Variants in HDLBP observed in about 807,000 individuals in gnomAD.
The protein encoded by HDLBP is high density lipoprotein binding protein.
In HDLBP, 30 loss-of-function variants were observed where a neutral mutation model predicts 137.3. The ratio of observed to expected loss-of-function variants is 0.22; its 90% confidence interval spans 0.16 to 0.30. The LOEUF is 0.30. Among genes scored for constraint, HDLBP ranks in the 10% least tolerant of loss-of-function variants. The pLI is 1.00. For missense variants in HDLBP, 1,119 were observed against 1,667.3 expected (o/e 0.67, Z 5.73); for synonymous variants, 606 against 596.0 (o/e 1.02, Z -0.24).
intron 21 of HDLBP, among the ~76,000 whole-genome samples, chr2:241,235,931 A>G (rs889051699): frequency 6.6e-6 from 1 of 152,078 alleles, no homozygotes; most frequent in Non-Finnish European, 1.5e-5. Flanking sequence ...ATGAGGTGCC[A>G]CAAGGGACTC....
At chr2:241,236,358 G>A (rs2070438348) in intron 21 of HDLBP, 1 of 523,972 alleles carries the variant, frequency 1.9e-6, no homozygotes, top group Admixed American at 3.4e-5. Context: ...CCCACCGTGG[G>A]CCTGAGAGGC....
In HDLBP at chr2:241,233,932, A is replaced by G. The variant is rs1574843200; in HGVS notation, c.3176T>C (p.Val1059Ala). 6.2e-7 allele frequency: 1 copy of G among 1,614,196 alleles called. No individual in the cohort carries two copies. The highest frequency in any genetic ancestry group is 2.2e-5 in the East Asian group (1 of 44,894). Residue 1059 changes from valine to alanine, a missense_variant, in exon 24 of 28, where the codon GTA (valine) becomes GCA (alanine). Around this residue, in one of 4 missense-constraint regions of HDLBP, gnomAD observed 618 missense variants for 816.7 expected, o/e 0.76. Coordinates refer to ENST00000310931, the MANE Select transcript of HDLBP (RefSeq NM_005336.6). The surrounding 1 kb of genome is among the most constrained non-coding windows in gnomAD (Gnocchi z 4.3). ...ALRSFKLSVT[V>A]DPKYHPKIIG... ...AATCTTGGGATGGTATTTGGGGTCT[A>G]CAGTGACACTCAGCTTAAAACTCCT... is the stretch of plus-strand genomic sequence containing the variant.
intron 1 of HDLBP, among the ~76,000 whole-genome samples, chr2:241,282,739 T>C (rs2074651997): frequency 6.6e-6 from 1 of 152,208 alleles, no homozygotes; most frequent in Non-Finnish European, 1.5e-5. Flanking sequence ...ACCACGCTCA[T>C]ACAAGGCAGA....
At chr2:241,247,775 G>A (rs2071793846) in intron 14 of HDLBP, among the ~76,000 whole-genome samples, 1 of 152,152 alleles carries the variant, frequency 6.6e-6, no homozygotes, top group Non-Finnish European at 1.5e-5. Context: ...CTCCCCACCT[G>A]AATTCCACAA....
At chr2:241,259,474 G>A (rs1013139526) in intron 5 of HDLBP, among the ~76,000 whole-genome samples, 1 of 152,086 alleles carries the variant, frequency 6.6e-6, no homozygotes, top group East Asian at 1.9e-4. Flanking sequence ...TCAGAAAAAA[G>A]GAATTACTTC....
chr2:241,233,925 G>A lies in HDLBP; in HGVS notation c.3183C>T (p.Pro1061=). 1.9e-6 allele frequency: 3 copies of A among 1,614,142 alleles called. No individual in the cohort carries two copies. The South Asian group carries it at 3.3e-5, about 18-fold the overall frequency. Residue 1061 remains proline, a synonymous_variant, in exon 24 of 28, where the codon CCC becomes CCT. Transcript: ENST00000310931. This position sits in a 1 kb window ranked among gnomAD's most constrained non-coding sequence, Gnocchi z 4.3. ...TCCCGATAATCTTGGGATGGTATTT[G>A]GGGTCTACAGTGACACTCAGCTTAA... The part of the protein sequence containing the change: ...RSFKLSVTVD[P]KYHPKIIGRK...
At position 241,248,254 on chromosome 2, in the gene HDLBP, T is replaced by C. The variant is rs1162100393; in HGVS notation, c.1607A>G (p.Lys536Arg). ...KGERIREIRD[K>R]FPEVIINFPD... ...TCTGGGAAACTTTACCTCTGGGAATTTGTCACGAATTTCACGGATCCGTTC... is the reference window on the plus strand; with the variant it reads ...TCTGGGAAACTTTACCTCTGGGAATCTGTCACGAATTTCACGGATCCGTTC... Residue 536 changes from lysine (K) to arginine (R), a missense_variant, in exon 13 of 28, where the codon AAA becomes AGA. Around this residue, in one of 4 missense-constraint regions of HDLBP, gnomAD observed 425 missense variants for 693.9 expected, o/e 0.61. Transcript: ENST00000310931. 1.2e-6 allele frequency: 2 copies of C among 1,613,374 alleles called. No individual in the cohort carries two copies. The highest frequency in any genetic ancestry group is 2.2e-5 in the South Asian group (2 of 91,066).
Position 241,239,825 on chromosome 2 carries a change from A to G in HDLBP, c.2392-5T>C. ...GGAGTCTTCCACCACATTATCCTGC[A>G]GTGTTAAGAAGAGATGGAAGATAAG... On this transcript the variant is annotated splice_polypyrimidine_tract_variant and splice_region_variant and intron_variant, in intron 18 of 27. Coordinates refer to ENST00000310931, the MANE Select transcript of HDLBP (RefSeq NM_005336.6). The surrounding 1 kb of genome is among the most constrained non-coding windows in gnomAD (Gnocchi z 4.6). 2 of 1,612,196 alleles carry G rather than the reference A, an allele frequency of 1.2e-6. No homozygotes were observed. Among genetic ancestry groups the G allele is most frequent in the Non-Finnish European group, 1.7e-6 (2 of 1,178,578 alleles).
Position 241,252,940 on chromosome 2 carries a change from C to G in HDLBP, c.1372+17G>C. On this transcript the variant is annotated intron_variant, in intron 11 of 27. Coordinates refer to ENST00000310931, the MANE Select transcript of HDLBP (RefSeq NM_005336.6). ...TCAGGGCACACTGGCCCCACCGCAACAGACAGCCTCACTCACTGTTGGCAC... is the reference window on the plus strand; with the variant it reads ...TCAGGGCACACTGGCCCCACCGCAAGAGACAGCCTCACTCACTGTTGGCAC... 6.3e-7 allele frequency: 1 copy of G among 1,587,116 alleles called. No homozygotes were observed. The highest frequency in any genetic ancestry group is 8.6e-7 in the Non-Finnish European group (1 of 1,156,758).
rs2069289079 is a variant in HDLBP at position 241,227,972 on chromosome 2, C to T, written c.*1629G>A. The T allele has an allele frequency of 6.6e-6, 1 of 152,274 alleles. No individual in the cohort carries two copies. Among genetic ancestry groups the T allele is most frequent in the Admixed American group, 6.5e-5 (1 of 15,284 alleles). The allele number at this position is 152,274 out of a possible 1,614,324, so 9.4% of individuals were successfully genotyped here. A position where few individuals can be genotyped will look rare whatever the true frequency, so the allele number is the denominator to read the frequency against. On this transcript the variant is annotated 3_prime_UTR_variant, in exon 28 of 28. Coordinates refer to ENST00000310931, the MANE Select transcript of HDLBP (RefSeq NM_005336.6). ...TCCTTCCAATCCCAATTTACCATTC[C>T]TGTAAACAGGCCCATTCAGGGCTGC...
chr2:241,237,399 ACAC>A (rs1484691905), intron 20 of HDLBP, among the ~76,000 whole-genome samples: 2 of 152,158 alleles, frequency 1.3e-5, no homozygotes, highest in Admixed American at 6.5e-5. Context: ...ACCAAAATAG[ACAC>A]CACAACAATA....
chr2:241,230,110 C>T lies in HDLBP; in HGVS notation c.3591+43G>A, dbSNP rs754744539. 59 of 1,588,964 alleles carry T rather than the reference C, an allele frequency of 3.7e-5. No individual in the cohort carries two copies. Among genetic ancestry groups the T allele is most frequent in the Middle Eastern group, 1.7e-4 (1 of 5,886 alleles). The stretch of plus-strand genomic sequence containing the variant: ...CCTGGCTGGGCCTCAGGCCGGTGGA[C>T]GTGCCAGGGCGCCTCAGGGCTCCAA... On this transcript the variant is annotated intron_variant, in intron 26 of 27. Transcript: ENST00000310931. The surrounding 1 kb of genome is among the most constrained non-coding windows in gnomAD (Gnocchi z 5.0).
In HDLBP at chr2:241,248,325, T is replaced by A. The variant is rs1283642803; in HGVS notation, c.1536A>T (p.Leu512=). 16 of 1,613,406 alleles carry A rather than the reference T, an allele frequency of 9.9e-6. No individual in the cohort carries two copies. The highest frequency in any genetic ancestry group is 1.3e-5 in the African/African-American group (1 of 74,926). The change falls in exon 13 of 28, where the codon CTA becomes CTT. Residue 512 remains leucine, a synonymous_variant. Coordinates refer to ENST00000310931, the MANE Select transcript of HDLBP (RefSeq NM_005336.6). Reference sequence around the variant, plus strand: ...TGCGATGAAATCTTTGCTCAATGATTAGATCCTTGGTACGCTCATTTTCCT... The same window carrying A: ...TGCGATGAAATCTTTGCTCAATGATAAGATCCTTGGTACGCTCATTTTCCT... ...SRMENERTKD[L]IIEQRFHRTI... is the part of the protein sequence containing the mutation.
rs1335321398 is a variant in HDLBP at position 241,268,486 on chromosome 2, G to A, written c.-47C>T. On this transcript the variant is annotated 5_prime_UTR_variant, in exon 2 of 28. Transcript: ENST00000310931. ...ACAGGGTCAAACTTACCAGCAAAAC[G>A]GTCAGTAGCCAGAAGGTCCGTCCTG... The A allele has an allele frequency of 5.1e-6, 5 of 985,800 alleles. No homozygotes were observed. The highest frequency in any genetic ancestry group is 5.2e-4 in the Middle Eastern group (1 of 1,940). The allele number at this position is 985,800 out of a possible 1,614,324, so 61.1% of individuals were successfully genotyped here.
In HDLBP at chr2:241,272,069, G is replaced by GT. The variant is rs1484759533; in HGVS notation, c.-102-3529dup. 1 of 489,342 alleles carries GT rather than the reference G, an allele frequency of 2.0e-6. No individual in the cohort carries two copies. The highest frequency in any genetic ancestry group is 1.5e-4 in the East Asian group (1 of 6,710). 30.3% of individuals were successfully genotyped at this position (489,342 alleles called of 1,614,324 possible). A position where few individuals can be genotyped will look rare whatever the true frequency, so the allele number is the denominator to read the frequency against. ...CCTCCCCGCCTTTCATCCAAATTCG[G>GT]TACTTTTCCGTAATGTATTTTTCAT... On this transcript the variant is annotated intron_variant, in intron 1 of 27. Coordinates refer to ENST00000310931, the MANE Select transcript of HDLBP (RefSeq NM_005336.6). This position sits in a 1 kb window ranked among gnomAD's most constrained non-coding sequence, Gnocchi z 5.6.
At chr2:241,264,404 A>C in intron 4 of HDLBP, 44 bp downstream of exon 4, 1 of 1,369,640 alleles carries the variant, frequency 7.3e-7, no homozygotes, top group Non-Finnish European at 1.0e-6. Flanking sequence ...TTACATAGAC[A>C]TGTTACATGA....
chr2:241,256,438 G>C (rs930693232), intron 6 of HDLBP, 39 bp from the exon 7 acceptor site: 5 of 1,553,604 alleles, frequency 3.2e-6, no homozygotes, highest in African/African-American at 2.7e-5. Context: ...ACAGGCCTTT[G>C]AAAACAAACT....
intron 9 of HDLBP, 129 bp from the exon 10 acceptor site, chr2:241,253,626 G>T: frequency 1.5e-6 from 1 of 671,188 alleles, no homozygotes; most frequent in Non-Finnish European, 2.7e-6. Flanking sequence ...GAGGGAGGGA[G>T]GGACATATCC....
At position 241,255,456 on chromosome 2, in the gene HDLBP, G is replaced by T. The variant is rs145626561; in HGVS notation, c.998C>A (p.Pro333His). ...TACAGTCTCAGAGATGCTGTCTGAG[G>T]GTGGGATCTCAACGGAAACTCCAGT... ...ERTGVSVEIP[P>H]SDSISETVIL... Residue 333 changes from proline to histidine, a missense_variant, in exon 8 of 28, where the codon CCC becomes CAC. Physicochemically the swap from Pro to His is moderately conservative, Grantham distance 77. Transcript: ENST00000310931. 9.9e-6 allele frequency: 16 copies of T among 1,613,948 alleles called. No individual in the cohort carries two copies. Among genetic ancestry groups the T allele is most frequent in the Non-Finnish European group, 1.4e-5 (16 of 1,179,932 alleles).
Sources: gnomAD v4.1 joint callset for allele counts (sites outside exome capture counted in the v4.1 genomes callset) on GRCh38, gnomAD v4.1.1 for gene constraint, gnomAD v4.1.1 regional missense constraint, Gnocchi (gnomAD v3.1) non-coding constraint, MANE v1.5 for transcripts, NCBI Gene and HGNC (gene_info 2026-07-23, HGNC 2026-07-21) for gene names.